The following NEK10 variants were observed in gnomAD, a reference collection of about 807,000 sequenced individuals.
The protein encoded by NEK10 is serine/threonine-protein kinase Nek10.
NEK10 carries 122 observed loss-of-function variants against 159.8 expected under a neutral mutation model. The observed-to-expected ratio is 0.76, with a 90% CI of 0.66 to 0.89. NEK10 has a LOEUF of 0.89. Ranked by LOEUF, NEK10 falls within the 40% of genes least tolerant of loss-of-function variation. The pLI, the probability that NEK10 is intolerant of heterozygous loss-of-function variation, is 0.00. For missense variants in NEK10, 1,342 were observed against 1,323.1 expected (o/e 1.01, Z -0.22); for synonymous variants, 466 against 457.1 (o/e 1.02, Z -0.25).
At chr3:27,258,701 C>G (rs1192632666) in intron 22 of NEK10, among the ~76,000 whole-genome samples, 1 of 152,152 alleles carries the variant, frequency 6.6e-6, no homozygotes, top group Non-Finnish European at 1.5e-5. Context: ...GTCTTTATAT[C>G]AGCATGATTT....
At chr3:27,335,255 G>A (rs1009859223) in intron 5 of NEK10, among the ~76,000 whole-genome samples, 6 of 151,236 alleles carry the variant, frequency 4.0e-5, no homozygotes, top group African/African-American at 4.9e-5. Flanking sequence ...CAGGAGATTC[G>A]CTTGAACCTG....
intron 23 of NEK10, among the ~76,000 whole-genome samples, chr3:27,219,530 T>C (rs546353661): frequency 6.6e-6 from 1 of 152,368 alleles, no homozygotes; most frequent in South Asian, 2.1e-4. Context: ...TTGCCTATGT[T>C]GAAAATGACA....
rs1939172654 is a variant in NEK10, at chr3:27,108,103, A to G, written c.*3169T>C. Among the ~76,000 whole-genome samples, 1 of 152,242 alleles carries G rather than the reference A, an allele frequency of 6.6e-6. No individual in the cohort carries two copies. Among genetic ancestry groups the G allele is most frequent in the Non-Finnish European group, 1.5e-5 (1 of 68,042 alleles). ...TATTTGTTTTTGGACATCAAAATTC[A>G]TAGTATTTAATGAGTCATAGATGAT... is the stretch of plus-strand genomic sequence containing the variant. On this transcript the variant is annotated 3_prime_UTR_variant, in exon 36 of 36. Transcript: ENST00000691995.
chr3:27,296,363 TA>T (rs2043354515), intron 14 of NEK10, among the ~76,000 whole-genome samples: 1 of 152,190 alleles, frequency 6.6e-6, no homozygotes, highest in Non-Finnish European at 1.5e-5. Flanking sequence ...GTGGATACAT[TA>T]TTTTTTTAGA....
intron 23 of NEK10, chr3:27,253,032 A>C: frequency 2.5e-6 from 1 of 396,862 alleles, no homozygotes; most frequent in East Asian, 7.2e-5. Flanking sequence ...TTAAAAATTT[A>C]AGAAGTGCAG....
At chr3:27,130,625 C>G (rs147454342) in intron 32 of NEK10, among the ~76,000 whole-genome samples, 1 of 152,148 alleles carries the variant, frequency 6.6e-6, no homozygotes, top group African/African-American at 2.4e-5. Flanking sequence ...TAAAATAAGT[C>G]TATGCTCAAA....
intron 22 of NEK10, among the ~76,000 whole-genome samples, chr3:27,259,257 C>T: frequency 6.6e-6 from 1 of 152,094 alleles, no homozygotes; most frequent in East Asian, 1.9e-4. Flanking sequence ...CTTTTGTTGC[C>T]ATTGCTTTTG....
At chr3:27,160,341 G>T (rs375797954) in intron 30 of NEK10, among the ~76,000 whole-genome samples, 1 of 152,162 alleles carries the variant, frequency 6.6e-6, no homozygotes, top group Non-Finnish European at 1.5e-5. Context: ...TGCAGATGTG[G>T]TGACCTAAGT....
chr3:27,115,878 A>G, intron 35 of NEK10, 62 bp downstream of exon 35: 5 of 1,161,980 alleles, frequency 4.3e-6, no homozygotes, highest in Non-Finnish European at 6.3e-6. Context: ...TAAAGAAATT[A>G]GATCTAACAT....
intron 25 of NEK10, among the ~76,000 whole-genome samples, chr3:27,199,528 C>T (rs1949864583): frequency 1.3e-5 from 2 of 152,114 alleles, no homozygotes; most frequent in African/African-American, 4.8e-5. Flanking sequence ...TTAGTTCTAC[C>T]ATTGTGGAAA....
chr3:27,175,277 G>A (rs1947396025), intron 26 of NEK10, among the ~76,000 whole-genome samples: 1 of 152,158 alleles, frequency 6.6e-6, no homozygotes, highest in South Asian at 2.1e-4. Flanking sequence ...AGGCCATGGA[G>A]AGTGAGAGGC....
chr3:27,248,465 GT>G (rs1955319740), intron 23 of NEK10, among the ~76,000 whole-genome samples: 2 of 151,832 alleles, frequency 1.3e-5, no homozygotes, highest in South Asian at 4.2e-4. Flanking sequence ...TTTATTTGAA[GT>G]TTTTCTTCTT....
At chr3:27,214,446 T>A (rs912697375) in intron 23 of NEK10, among the ~76,000 whole-genome samples, 7 of 152,198 alleles carry the variant, frequency 4.6e-5, no homozygotes, top group African/African-American at 1.7e-4. Flanking sequence ...ACTAAATCGC[T>A]AGTTTCCCTC....
intron 16 of NEK10, among the ~76,000 whole-genome samples, chr3:27,293,072 G>A (rs2043113684): frequency 6.6e-6 from 1 of 152,096 alleles, no homozygotes; most frequent in African/African-American, 2.4e-5. Context: ...CCGAAATGGT[G>A]ACCTTTTGGT....
At chr3:27,237,774 T>C (rs1954103923) in intron 23 of NEK10, among the ~76,000 whole-genome samples, 1 of 152,092 alleles carries the variant, frequency 6.6e-6, no homozygotes, top group South Asian at 2.1e-4. Flanking sequence ...AACCTATCCA[T>C]GCATCCCAAA....
At chr3:27,313,186 AC>A (rs145048373) in intron 7 of NEK10, among the ~76,000 whole-genome samples, 4,043 of 151,930 alleles carry the variant, frequency 0.027, 183 homozygotes, top group African/African-American at 0.093. Context: ...AATCACTTGA[AC>A]TTGGGAGGCA....
At chr3:27,217,273 C>CATTCGTCCACTCAGGG (rs1951634146) in intron 23 of NEK10, among the ~76,000 whole-genome samples, 1 of 152,128 alleles carries the variant, frequency 6.6e-6, no homozygotes, top group Admixed American at 6.6e-5. Context: ...TCCACTCTCG[C>CATTCGTCCACTCAGGG]ATTGCTATAA....
chr3:27,171,759 G>T, intron 29 of NEK10, 60 bp downstream of exon 29: 1 of 1,569,892 alleles, frequency 6.4e-7, no homozygotes, highest in Non-Finnish European at 8.7e-7. Context: ...CAATTCAGCT[G>T]AGTTATTACT....
intron 22 of NEK10, among the ~76,000 whole-genome samples, chr3:27,263,453 G>A (rs576419197): frequency 7.2e-5 from 11 of 152,252 alleles, no homozygotes; most frequent in African/African-American, 1.7e-4. Context: ...CTTGAGCTGC[G>A]GTGGGCTCCA....
Sources: gnomAD v4.1 joint callset for allele counts (sites outside exome capture counted in the v4.1 genomes callset) on GRCh38, gnomAD v4.1.1 for gene constraint, MANE v1.5 for transcripts, NCBI Gene and HGNC (gene_info 2026-07-23, HGNC 2026-07-21) for gene names.